The following PLK4 variants were observed in gnomAD, a reference collection of about 807,000 sequenced individuals.
The protein encoded by PLK4 is polo like kinase 4, also known as serine/threonine-protein kinase PLK4.
A neutral mutation model predicts 103.0 loss-of-function variants in PLK4; 51 were observed. That is an observed-to-expected ratio of 0.50 (90% CI 0.40 to 0.63). The LOEUF (loss-of-function observed/expected upper bound fraction) is 0.63. Ranked by LOEUF, PLK4 falls within the 20% of genes least tolerant of loss-of-function variation. The pLI is 0.00. For synonymous variants in PLK4, 389 were observed against 376.8 expected (o/e 1.03, Z -0.38); for missense variants, 1,054 against 1,151.0 (o/e 0.92, Z 1.22).
rs1315936424 is a variant in PLK4 at position 127,894,087 on chromosome 4, T to C, written c.2562+206T>C. Among the ~76,000 whole-genome samples the C allele has an allele frequency of 2.0e-5, 3 of 152,246 alleles. No homozygotes were observed. In the East Asian group the frequency reaches 5.8e-4, roughly 29 times the overall value. Reference sequence around the variant, plus strand: ...CAAGTCAAAGGGCCTTTTCACATGCTGTTCACTTGACCTGGAACTCTTTTC... The same window carrying C: ...CAAGTCAAAGGGCCTTTTCACATGCCGTTCACTTGACCTGGAACTCTTTTC... On this transcript the variant is annotated intron_variant, in intron 13 of 15. Coordinates refer to ENST00000270861, the MANE Select transcript of PLK4 (RefSeq NM_014264.5).
intron 8 of PLK4, 127 bp downstream of exon 8, chr4:127,891,323 G>A: frequency 2.1e-6 from 1 of 482,074 alleles, no homozygotes; most frequent in Non-Finnish European, 3.7e-6. Context: ...AGTGTCTCTG[G>A]AATTCAAAAA....
intron 12 of PLK4, 51 bp downstream of exon 12, chr4:127,893,655 A>T (rs780795769): frequency 1.8e-5 from 28 of 1,582,934 alleles, no homozygotes; most frequent in Non-Finnish European, 2.3e-5. Context: ...TAAAAGTTTG[A>T]TGTTTATATT....
chr4:127,891,496 A>T, intron 8 of PLK4, 83 bp from the exon 9 acceptor site: 1 of 534,612 alleles, frequency 1.9e-6, no homozygotes, highest in Non-Finnish European at 3.3e-6. Context: ...TGTTACATTT[A>T]AACACTTTGT....
chr4:127,882,313 CA>C (rs1734962027), intron 2 of PLK4, among the ~76,000 whole-genome samples: 1 of 152,152 alleles, frequency 6.6e-6, no homozygotes, highest in African/African-American at 2.4e-5. Flanking sequence ...GTAACATAAA[CA>C]TAAGCAAATT....
chr4:127,886,573 A>T lies in PLK4; in HGVS notation c.1203A>T (p.Ser401=). 6.2e-7 allele frequency: 1 copy of T among 1,614,182 alleles called. No individual in the cohort carries two copies. Among genetic ancestry groups the T allele is most frequent in the Non-Finnish European group, 8.5e-7 (1 of 1,180,004 alleles). ...CATATACAATGGAACGATGTCACTCAGCAGAAATGCTTTCAGTGTCCAAAA... is the reference window on the plus strand; with the variant it reads ...CATATACAATGGAACGATGTCACTCTGCAGAAATGCTTTCAGTGTCCAAAA... ...AKTYTMERCH[S]AEMLSVSKRS... Residue 401 remains serine, a synonymous_variant, in exon 5 of 16, where the codon TCA becomes TCT. Coordinates refer to ENST00000270861, the MANE Select transcript of PLK4 (RefSeq NM_014264.5).
At position 127,898,980 on chromosome 4, in the gene PLK4, T is replaced by C. The variant is rs1735680149; in HGVS notation, c.*439T>C. 6.5e-6 allele frequency: 1 copy of C among 152,890 alleles called. No homozygotes were observed. Among genetic ancestry groups the C allele is most frequent in the African/African-American group, 2.4e-5 (1 of 41,472 alleles). The allele number at this position is 152,890 out of a possible 1,614,324, so 9.5% of individuals were successfully genotyped here. On this transcript the variant is annotated 3_prime_UTR_variant, in exon 16 of 16. Coordinates refer to ENST00000270861, the MANE Select transcript of PLK4 (RefSeq NM_014264.5). Reference sequence around the variant, plus strand: ...TATAAGTAACATATGTAAACATGTATATTTGTTTTATATTTATTTTTGTAA... The same window carrying C: ...TATAAGTAACATATGTAAACATGTACATTTGTTTTATATTTATTTTTGTAA...
intron 14 of PLK4, among the ~76,000 whole-genome samples, chr4:127,896,432 A>T (rs1307290377): frequency 1.3e-5 from 2 of 152,158 alleles, no homozygotes; most frequent in Non-Finnish European, 2.9e-5. Context: ...TTATTCCCTA[A>T]ATCTCTTCTT....
At position 127,892,463 on chromosome 4, in the gene PLK4, AT is replaced by A. The variant is rs1735397497; in HGVS notation, c.2141del (p.Leu714Ter). The A allele has an allele frequency of 6.2e-7, 1 of 1,600,542 alleles. No homozygotes were observed. The highest frequency in any genetic ancestry group is 1.1e-5 in the South Asian group (1 of 89,730). ...ITYFTRYAKC[I>X]LMENSPGADF... The stretch of plus-strand genomic sequence containing the variant: ...TTATTTTACAAGATATGCTAAATGC[AT>A]TTTGATGGAGAATTCTCCTGGTGCT... On this transcript the variant is annotated frameshift_variant, in exon 10 of 16. Coordinates refer to ENST00000270861, the MANE Select transcript of PLK4 (RefSeq NM_014264.5). LOFTEE classifies it high-confidence loss of function.
rs373445088 is a variant in PLK4 at position 127,889,971 on chromosome 4, C to A, written c.1565C>A (p.Thr522Lys). 1.9e-6 allele frequency: 3 copies of A among 1,613,964 alleles called. No homozygotes were observed. The highest frequency in any genetic ancestry group is 2.5e-6 in the Non-Finnish European group (3 of 1,179,896). The change falls in exon 7 of 16, where the codon ACA becomes AAA. Residue 522 changes from threonine (T) to lysine (K), a missense_variant. This residue lies in a region of PLK4 where 680 missense variants were observed against 660.3 expected (regional missense o/e 1.03). Transcript: ENST00000270861. ...ACATCAAAAAATGCCTGGACTGATA[C>A]AAAAGTCAAAAAGAACTCTGATGCT... ...KDTSKNAWTDTKVKKNSDASD... is the reference protein window; with the variant it reads ...KDTSKNAWTDKKVKKNSDASD...
At chr4:127,881,270 G>T (rs1014450567) in intron 1 of PLK4, 106 bp downstream of exon 1, 2 of 1,578,276 alleles carry the variant, frequency 1.3e-6, no homozygotes, top group African/African-American at 2.7e-5. Context: ...TGCGGGGCGG[G>T]CACCGAGGTG....
chr4:127,886,621 A>G lies in PLK4; in HGVS notation c.1251A>G (p.Glu417=), dbSNP rs771016420. 2 of 1,613,628 alleles carry G rather than the reference A, an allele frequency of 1.2e-6. No homozygotes were observed. Among genetic ancestry groups the G allele is most frequent in the Admixed American group, 3.3e-5 (2 of 60,032 alleles). Residue 417 remains glutamate (E), a synonymous_variant, in exon 5 of 16, where the codon GAA becomes GAG. Transcript: ENST00000270861. ...VSKRSGGGEN[E]ERYSPTDNNA... ...AAAGATCAGGAGGAGGTGAAAATGAAGAGAGGTACTCACCCACAGACAACA... is the reference window on the plus strand; with the variant it reads ...AAAGATCAGGAGGAGGTGAAAATGAGGAGAGGTACTCACCCACAGACAACA...
In PLK4 at chr4:127,886,269, C is replaced by T. The variant is rs1190192260; in HGVS notation, c.899C>T (p.Thr300Ile). The T allele has an allele frequency of 6.2e-7, 1 of 1,613,482 alleles. No individual in the cohort carries two copies. Among genetic ancestry groups the T allele is most frequent in the East Asian group, 2.2e-5 (1 of 44,878 alleles). Residue 300 changes from threonine to isoleucine, a missense_variant, in exon 5 of 16, where the codon ACC (threonine) becomes ATC (isoleucine). Around this residue, in one of 4 missense-constraint regions of PLK4, gnomAD observed 680 missense variants for 660.3 expected, o/e 1.03. Coordinates refer to ENST00000270861, the MANE Select transcript of PLK4 (RefSeq NM_014264.5). ...ISTAITASSS[T>I]SISGSLFDKR... ...ACTGCAATTACAGCTTCTTCCAGTACCAGTATAAGTGGTAGTTTATTTGAC... is the reference window on the plus strand; with the variant it reads ...ACTGCAATTACAGCTTCTTCCAGTATCAGTATAAGTGGTAGTTTATTTGAC...
intron 14 of PLK4, among the ~76,000 whole-genome samples, chr4:127,895,450 T>A (rs1241331380): frequency 2.8e-5 from 4 of 144,738 alleles, no homozygotes; most frequent in Non-Finnish European, 6.0e-5. Context: ...TAGAGTAACT[T>A]TCTTTTTTTT....
intron 7 of PLK4, among the ~76,000 whole-genome samples, 191 bp downstream of exon 7, chr4:127,890,427 A>G (rs1236005414): frequency 6.6e-6 from 1 of 152,170 alleles, no homozygotes; most frequent in Non-Finnish European, 1.5e-5. Context: ...TCTTAATTAT[A>G]GTGACATGAT....
In PLK4 at chr4:127,881,151, G is replaced by A. The variant is rs149003893; in HGVS notation, c.17G>A (p.Gly6Glu). 2,164 of 1,614,040 alleles carry A rather than the reference G, an allele frequency of 1.3e-3. 5 individuals are homozygous for A. The highest frequency in any genetic ancestry group is 2.0e-3 in the Middle Eastern group (12 of 6,062). ...CCTGGAAATATGGCGACCTGCATCG[G>A]GGAGAAGATCGAGGTGAAAAGACTC... MATCI[G>E]EKIEDFKVGN... is the part of the protein sequence containing the mutation. Residue 6 changes from glycine to glutamate, a missense_variant, in exon 1 of 16, where the codon GGG becomes GAG. This residue lies in a region of PLK4 where 199 missense variants were observed against 270.1 expected (regional missense o/e 0.74). Coordinates refer to ENST00000270861, the MANE Select transcript of PLK4 (RefSeq NM_014264.5).
At position 127,881,849 on chromosome 4, in the gene PLK4, C is replaced by T; in HGVS notation, c.49C>T (p.Leu17=). ...TTTTAAGGATTTTAAAGTTGGAAATCTGCTTGGTAAAGGATCATTTGCTGG... is the reference window on the plus strand; with the variant it reads ...TTTTAAGGATTTTAAAGTTGGAAATTTGCTTGGTAAAGGATCATTTGCTGG... The part of the protein sequence containing the change: ...EKIEDFKVGN[L]LGKGSFAGVY... The change falls in exon 2 of 16, where the codon CTG becomes TTG. Residue 17 remains leucine, a synonymous_variant. Coordinates refer to ENST00000270861, the MANE Select transcript of PLK4 (RefSeq NM_014264.5). The T allele has an allele frequency of 6.2e-7, 1 of 1,603,704 alleles. No individual in the cohort carries two copies. Among genetic ancestry groups the T allele is most frequent in the Middle Eastern group, 1.7e-4 (1 of 6,036 alleles).
intron 7 of PLK4, 24 bp from the exon 8 acceptor site, chr4:127,891,068 A>G (rs1391626126): frequency 8.0e-7 from 1 of 1,242,864 alleles, no homozygotes; most frequent in East Asian, 2.4e-5. Context: ...ATTATTACTG[A>G]TTTTGGGTTT....
chr4:127,881,392 A>C, intron 1 of PLK4: 1 of 1,423,968 alleles, frequency 7.0e-7, no homozygotes, highest in South Asian at 1.5e-5. Context: ...CCCGCCCGGC[A>C]GTGTCCCGAG....
chr4:127,890,240 T>A lies in PLK4; in HGVS notation c.1830+4T>A, dbSNP rs200149458. ...ACAGAAAACCAAAAAGGCTGTGGTA[T>A]GTCTGTTATCTTCTTAAGTTACTAA... On this transcript the variant is annotated splice_donor_region_variant and intron_variant, in intron 7 of 15. Transcript: ENST00000270861. 282 of 1,584,842 alleles carry A rather than the reference T, an allele frequency of 1.8e-4. No homozygotes were observed. Among genetic ancestry groups the A allele is most frequent in the Non-Finnish European group, 2.2e-4 (261 of 1,166,352 alleles).
Sources: gnomAD v4.1 joint callset for allele counts (sites outside exome capture counted in the v4.1 genomes callset) on GRCh38, gnomAD v4.1.1 for gene constraint, gnomAD v4.1.1 regional missense constraint, MANE v1.5 for transcripts, NCBI Gene and HGNC (gene_info 2026-07-23, HGNC 2026-07-21) for gene names.